MACROD2: variants seen among roughly 807,000 people sequenced by gnomAD.
MACROD2 encodes the protein mono-ADP ribosylhydrolase 2.
MACROD2 carries 36 observed loss-of-function variants against 70.4 expected under a neutral mutation model. The ratio of observed to expected loss-of-function variants is 0.51; its 90% CI spans 0.39 to 0.68. The LOEUF (loss-of-function observed/expected upper bound fraction) is 0.68. MACROD2 is among the 30% of genes least tolerant of loss of function. The pLI, the probability that MACROD2 is intolerant of heterozygous loss-of-function variation, is 0.00. For synonymous variants in MACROD2, 172 were observed against 178.8 expected, an observed-to-expected ratio of 0.96 and a Z score of 0.30; for missense variants, 496 against 538.4, an observed-to-expected ratio of 0.92 and a Z score of 0.78.
chr20:15,546,628 C>A (rs1045274490), intron 8 of MACROD2, among the ~76,000 whole-genome samples: 3 of 152,194 alleles, frequency 2.0e-5, no homozygotes, highest in Admixed American at 6.5e-5. Flanking sequence ...ACTCAAAGCA[C>A]ATCAATGCAA....
At chr20:14,438,737 C>A (rs543725530) in intron 3 of MACROD2, among the ~76,000 whole-genome samples, 1 of 152,126 alleles carries the variant, frequency 6.6e-6, no homozygotes, top group Admixed American at 6.6e-5. Flanking sequence ...TCAAGTTCTT[C>A]GCCCATTTTA....
chr20:14,014,865 A>G (rs909030218), intron 2 of MACROD2, among the ~76,000 whole-genome samples: 1 of 151,848 alleles, frequency 6.6e-6, no homozygotes, highest in African/African-American at 2.4e-5. Flanking sequence ...CAATGGTGCA[A>G]TCATGGCTCA....
At chr20:14,231,036 T>TCC (rs1569217757) in intron 3 of MACROD2, among the ~76,000 whole-genome samples, 5 of 151,884 alleles carry the variant, frequency 3.3e-5, no homozygotes, top group African/African-American at 1.2e-4. Flanking sequence ...AATCTTAAAA[T>TCC]ATTCAGTAGA....
intron 8 of MACROD2, among the ~76,000 whole-genome samples, chr20:15,660,345 C>T (rs932327177): frequency 6.6e-5 from 10 of 152,178 alleles, no homozygotes; most frequent in Middle Eastern, 3.4e-3. Flanking sequence ...TCAGCAACCC[C>T]TTTTTCTTCA....
intron 17 of MACROD2, among the ~76,000 whole-genome samples, chr20:16,047,650 C>T (rs1223897657): frequency 7.4e-6 from 1 of 136,002 alleles, no homozygotes; most frequent in African/African-American, 2.8e-5. Flanking sequence ...AAATGAGAAT[C>T]CCTTTCAGAT....
chr20:14,217,823 T>A (rs1244516166), intron 3 of MACROD2, among the ~76,000 whole-genome samples: 1 of 152,186 alleles, frequency 6.6e-6, no homozygotes, highest in Non-Finnish European at 1.5e-5. Flanking sequence ...CCTTGAATGA[T>A]CTTTCATATT....
chr20:15,887,922 C>T (rs1333406721), intron 10 of MACROD2, among the ~76,000 whole-genome samples: 2 of 152,168 alleles, frequency 1.3e-5, no homozygotes, highest in Non-Finnish European at 2.9e-5. Context: ...AAACTAGCCA[C>T]ATTTCAACTA....
intron 8 of MACROD2, among the ~76,000 whole-genome samples, chr20:15,566,321 C>A (rs1469379979): frequency 6.6e-6 from 1 of 151,882 alleles, no homozygotes; most frequent in Non-Finnish European, 1.5e-5. Flanking sequence ...CACCCCCCAC[C>A]GTCTCTACTA....
At chr20:14,753,713 C>T (rs1029024563) in intron 5 of MACROD2, among the ~76,000 whole-genome samples, 2 of 152,046 alleles carry the variant, frequency 1.3e-5, no homozygotes, top group East Asian at 1.9e-4. Flanking sequence ...AGAAAGTTAT[C>T]GCTAGGCAGT....
At chr20:15,956,050 G>C (rs1003127532) in intron 12 of MACROD2, among the ~76,000 whole-genome samples, 9 of 152,156 alleles carry the variant, frequency 5.9e-5, no homozygotes, top group Non-Finnish European at 1.3e-4. Flanking sequence ...GTGAAACTTG[G>C]TGTGTATTTT....
chr20:15,801,982 T>C (rs2063730709), intron 8 of MACROD2, among the ~76,000 whole-genome samples: 1 of 152,190 alleles, frequency 6.6e-6, no homozygotes, highest in South Asian at 2.1e-4. Context: ...TGAATTGCTT[T>C]CTTGATTTCT....
At chr20:14,318,614 G>A (rs530778754) in intron 3 of MACROD2, among the ~76,000 whole-genome samples, 1 of 152,260 alleles carries the variant, frequency 6.6e-6, no homozygotes, top group Non-Finnish European at 1.5e-5. Context: ...AATAGAGCAA[G>A]GTTAATGTGG....
At chr20:14,512,254 G>A (rs1181104961) in intron 4 of MACROD2, among the ~76,000 whole-genome samples, 1 of 152,118 alleles carries the variant, frequency 6.6e-6, no homozygotes, top group African/African-American at 2.4e-5. Context: ...CACATCAAGC[G>A]GGTGGTCCTG....
intron 5 of MACROD2, among the ~76,000 whole-genome samples, chr20:15,212,774 A>G (rs2076775600): frequency 6.6e-6 from 1 of 152,214 alleles, no homozygotes; most frequent in Non-Finnish European, 1.5e-5. Flanking sequence ...TACATTTGAC[A>G]TTTTGAGTCT....
intron 5 of MACROD2, among the ~76,000 whole-genome samples, chr20:14,720,911 G>T (rs6135234): frequency 0.23 from 35,510 of 151,698 alleles, 4,377 homozygotes; most frequent in East Asian, 0.41. Flanking sequence ...CACACATAAT[G>T]AATTATAAAT....
At chr20:15,206,719 A>ATTTTTTTTTTTTTTTT (rs1568636094) in intron 5 of MACROD2, among the ~76,000 whole-genome samples, 3 of 48,144 alleles carry the variant, frequency 6.2e-5, no homozygotes, top group African/African-American at 2.2e-4. Flanking sequence ...CATATTATCT[A>ATTTTTTTTTTTTTTTT]TGTTTTTTTT....
chr20:14,558,904 G>A (rs995785379), intron 4 of MACROD2, among the ~76,000 whole-genome samples: 1 of 151,428 alleles, frequency 6.6e-6, no homozygotes, highest in African/African-American at 2.4e-5. Context: ...ATATAGACAA[G>A]GTCTATGATT....
chr20:14,590,806 T>G (rs1001439710), intron 4 of MACROD2, among the ~76,000 whole-genome samples: 3 of 152,186 alleles, frequency 2.0e-5, no homozygotes, highest in African/African-American at 7.2e-5. Flanking sequence ...AGGTCATTTC[T>G]TAAAGTATGG....
rs565874769 is a variant in MACROD2 at position 15,987,442 on chromosome 20, A to G, written c.1153+284A>G. ...AATTACAGTATTGAGAAAGCCTATAAGAAATCAAAACTATGGACTAGAGGG... is the reference window on the plus strand; with the variant it reads ...AATTACAGTATTGAGAAAGCCTATAGGAAATCAAAACTATGGACTAGAGGG... On this transcript the variant is annotated intron_variant, in intron 15 of 17. Transcript: ENST00000684519. Among the ~76,000 whole-genome samples the G allele has an allele frequency of 1.8e-3, 278 of 152,338 alleles. 1 individual carries two copies. The highest frequency in any genetic ancestry group is 6.5e-3 in the African/African-American group (271 of 41,592).
Sources: gnomAD v4.1 joint callset for allele counts (sites outside exome capture counted in the v4.1 genomes callset) on GRCh38, gnomAD v4.1.1 for gene constraint, MANE v1.5 for transcripts, NCBI Gene and HGNC (gene_info 2026-07-23, HGNC 2026-07-21) for gene names.